The following SLC38A6 variants were observed in gnomAD, a reference collection of about 807,000 sequenced individuals.
SLC38A6 encodes the protein solute carrier family 38 member 6, also known as N system amino acid transporter NAT-1.
In SLC38A6, 73 loss-of-function variants were observed where a neutral mutation model predicts 65.0. The ratio of observed to expected loss-of-function variants is 1.12; its 90% CI spans 0.93 to 1.37. SLC38A6 has a LOEUF of 1.37. Ranked by LOEUF, SLC38A6 falls within the 40% of genes most tolerant of loss-of-function variation. The probability of loss-of-function intolerance (pLI) is 0.00; values close to 1 mark genes in which losing one functional copy is unlikely to be tolerated. For missense variants in SLC38A6, 561 were observed against 531.1 expected, an observed-to-expected ratio of 1.06 and a Z score of -0.55; for synonymous variants, 183 against 178.8, an observed-to-expected ratio of 1.02 and a Z score of -0.19.
At position 61,019,569 on chromosome 14, in the gene SLC38A6, A is replaced by G. The variant is rs1315611099; in HGVS notation, c.392A>G (p.Gln131Arg). 1 of 1,613,444 alleles carries G rather than the reference A, an allele frequency of 6.2e-7. No homozygotes were observed. The highest frequency in any genetic ancestry group is 8.5e-7 in the Non-Finnish European group (1 of 1,179,512). The change falls in exon 5 of 16, where the codon CAG becomes CGG. Residue 131 changes from glutamine (Q) to arginine (R), a missense_variant. Gln to Arg is a conservative substitution (Grantham distance 43). Transcript: ENST00000267488. ...GTGGTGGCAGGCACCATAATAATTC[A>G]GAATATTGGAGGTAAGCAATTGCAA... ...KLVVAGTIII[Q>R]NIGAMSSYLL...
At chr14:61,064,887 T>C (rs1351749651) in intron 15 of SLC38A6, among the ~76,000 whole-genome samples, 1 of 152,188 alleles carries the variant, frequency 6.6e-6, no homozygotes, top group Admixed American at 6.5e-5. Context: ...GGTGAATGTT[T>C]AAATTGTACT....
At chr14:61,076,495 C>G (rs1210328892) in intron 15 of SLC38A6, among the ~76,000 whole-genome samples, 2 of 152,160 alleles carry the variant, frequency 1.3e-5, no homozygotes, top group Non-Finnish European at 2.9e-5. Context: ...GGTTAAATGA[C>G]TTGTTCAAGG....
intron 12 of SLC38A6, 81 bp from the exon 13 acceptor site, chr14:61,050,431 C>T (rs1409892040): frequency 5.5e-6 from 5 of 911,420 alleles, no homozygotes; most frequent in African/African-American, 1.7e-5. Flanking sequence ...CTGTTATCAT[C>T]CATTAGTGCA....
chr14:61,015,953 A>G lies in SLC38A6; in HGVS notation c.360A>G (p.Gly120=). The stretch of plus-strand genomic sequence containing the variant: ...GACTCTTTGCATTTGGATTACCTGG[A>G]AAGGTAATTTTTTTTCCTCCTCATT... ...DLGLFAFGLP[G]KLVVAGTIII... is the part of the protein sequence containing the mutation. The change falls in exon 4 of 16, where the codon GGA becomes GGG. Residue 120 remains glycine, a synonymous_variant. Transcript: ENST00000267488. The G allele has an allele frequency of 1.2e-6, 2 of 1,605,236 alleles. No homozygotes were observed. Among genetic ancestry groups the G allele is most frequent in the African/African-American group, 1.3e-5 (1 of 74,602 alleles).
chr14:61,024,402 C>T (rs907782513), intron 5 of SLC38A6, among the ~76,000 whole-genome samples: 1 of 152,204 alleles, frequency 6.6e-6, no homozygotes, highest in African/African-American at 2.4e-5. Flanking sequence ...AGGTAACCCT[C>T]TGCAGCCCAT....
Position 61,075,773 on chromosome 14 carries a change from CTGTTTG to C in SLC38A6, c.1291-3033_1291-3028del, listed in dbSNP as rs1446539011. ...CTCCAAGAACGTGCCATAGATCAAC[CTGTTTG>C]TGTGTGTGTGTGTGTGTGTGTGTGT... On this transcript the variant is annotated intron_variant, in intron 15 of 16. Transcript: ENST00000354886. Among the ~76,000 whole-genome samples the C allele has an allele frequency of 1.1e-4, 14 of 129,630 alleles. No individual in the cohort carries two copies. In the East Asian group the frequency reaches 2.3e-3, roughly 21 times the overall value. 85.0% of individuals were successfully genotyped at this position (129,630 alleles called of 152,430 possible).
chr14:61,010,226 G>GTTTT (rs1473866608), intron 3 of SLC38A6, among the ~76,000 whole-genome samples: 1 of 151,840 alleles, frequency 6.6e-6, no homozygotes, highest in Non-Finnish European at 1.5e-5. Context: ...TGTTGATGCG[G>GTTTT]TTGTTTTTTT....
chr14:61,012,004 A>C (rs2039611551), intron 3 of SLC38A6, among the ~76,000 whole-genome samples: 2 of 152,126 alleles, frequency 1.3e-5, no homozygotes, highest in Non-Finnish European at 1.5e-5. Context: ...CTGTGATTGC[A>C]TCTGGTCCTG....
In SLC38A6 at chr14:61,037,047, T is replaced by C. The variant is rs745449814; in HGVS notation, c.483-12T>C. 19 of 1,601,248 alleles carry C rather than the reference T, an allele frequency of 1.2e-5. No individual in the cohort carries two copies. Among genetic ancestry groups the C allele is most frequent in the African/African-American group, 1.1e-4 (8 of 74,564 alleles). The stretch of plus-strand genomic sequence containing the variant: ...GAGTCCCATGCCTAAAGTAGAACTT[T>C]TTTTATAATAGATATTGGTATCTTG... On this transcript the variant is annotated splice_polypyrimidine_tract_variant and intron_variant, in intron 6 of 15. Transcript: ENST00000267488.
intron 5 of SLC38A6, among the ~76,000 whole-genome samples, chr14:61,023,349 T>C (rs1169905544): frequency 6.6e-6 from 1 of 152,040 alleles, no homozygotes; most frequent in Non-Finnish European, 1.5e-5. Flanking sequence ...AGTGGGAGGA[T>C]TGCCTGAGCT....
At chr14:61,000,532 G>C (rs763962738) in intron 3 of SLC38A6, among the ~76,000 whole-genome samples, 1 of 152,172 alleles carries the variant, frequency 6.6e-6, no homozygotes, top group African/African-American at 2.4e-5. Context: ...TCGGGAGCCC[G>C]AGTCAGGAGA....
chr14:61,005,250 C>T (rs2039006558), intron 3 of SLC38A6, among the ~76,000 whole-genome samples: 1 of 150,468 alleles, frequency 6.6e-6, no homozygotes, highest in African/African-American at 2.4e-5. Flanking sequence ...AAACTGGAAG[C>T]ATTCCCTTTG....
chr14:61,006,083 T>G (rs572531165), intron 3 of SLC38A6, among the ~76,000 whole-genome samples: 10 of 152,272 alleles, frequency 6.6e-5, no homozygotes, highest in African/African-American at 2.4e-4. Context: ...GGGGAAGGGA[T>G]TCCCTATTTA....
chr14:61,079,169 G>T (rs1192874522), intron 16 of SLC38A6, among the ~76,000 whole-genome samples: 5 of 118,008 alleles, frequency 4.2e-5, no homozygotes, highest in African/African-American at 1.4e-4. Flanking sequence ...ACAGAGTCTC[G>T]CTCTGTCGCC....
At chr14:61,010,446 C>G (rs182546132) in intron 3 of SLC38A6, among the ~76,000 whole-genome samples, 108 of 152,278 alleles carry the variant, frequency 7.1e-4, no homozygotes, top group Non-Finnish European at 4.4e-5. Flanking sequence ...GACACGAAGT[C>G]CTTAACAGCC....
At chr14:61,052,646 T>A, downstream of SLC38A6, 1 of 438,548 alleles carries the variant, frequency 2.3e-6, no homozygotes. Context: ...TGGGTTGATC[T>A]TTTGTTTTTT....
intron 3 of SLC38A6, among the ~76,000 whole-genome samples, chr14:60,994,977 C>A (rs1264985611): frequency 7.3e-6 from 1 of 137,192 alleles, no homozygotes; most frequent in African/African-American, 2.8e-5. Flanking sequence ...GCACTCCAGC[C>A]TGGGCGACAG....
chr14:61,081,068 C>G (rs2043624307), intron 16 of SLC38A6, among the ~76,000 whole-genome samples: 2 of 151,366 alleles, frequency 1.3e-5, no homozygotes, highest in Admixed American at 1.3e-4. Flanking sequence ...AATGGGAAGC[C>G]AGCAATGGTG....
chr14:61,012,232 C>A (rs1253927510), intron 3 of SLC38A6, among the ~76,000 whole-genome samples: 6 of 151,852 alleles, frequency 4.0e-5, no homozygotes, highest in Non-Finnish European at 8.8e-5. Context: ...TGGTGATATC[C>A]CCTTTATCAT....
Sources: allele counts gnomAD v4.1 joint callset (sites outside exome capture counted in the v4.1 genomes callset), GRCh38; gene constraint gnomAD v4.1.1; transcripts MANE v1.5; gene names NCBI Gene and HGNC (gene_info 2026-07-23, HGNC 2026-07-21).